Variants in SORL1 observed in about 807,000 individuals in gnomAD.
SORL1 encodes sortilin related receptor 1.
A neutral mutation model predicts 273.7 loss-of-function variants in SORL1; 127 were observed. That is an observed-to-expected ratio of 0.46 (90% CI 0.40 to 0.54). The LOEUF (loss-of-function observed/expected upper bound fraction) is 0.54. Ranked by LOEUF, SORL1 falls within the 20% of genes least tolerant of loss-of-function variation. SORL1 has a pLI of 0.00. For synonymous variants in SORL1, 1,031 were observed against 1,067.4 expected (o/e 0.97, Z 0.66); for missense variants, 2,494 against 2,846.1 (o/e 0.88, Z 2.81).
chr11:121,545,741 T>C (rs1259129089), intron 14 of SORL1, among the ~76,000 whole-genome samples: 3 of 152,226 alleles, frequency 2.0e-5, no homozygotes, highest in Middle Eastern at 3.2e-3. Context: ...GTTTCATTGT[T>C]TTTAATCCTT....
At chr11:121,536,357 C>T (rs1426149721) in intron 12 of SORL1, among the ~76,000 whole-genome samples, 1 of 151,914 alleles carries the variant, frequency 6.6e-6, no homozygotes, top group Non-Finnish European at 1.5e-5. Context: ...AGAGCCACCC[C>T]TACTTTATCC....
chr11:121,580,656 G>C (rs1191486798), intron 25 of SORL1, among the ~76,000 whole-genome samples: 2 of 147,082 alleles, frequency 1.4e-5, no homozygotes, highest in African/African-American at 5.1e-5. Flanking sequence ...CCAGGCTGGA[G>C]GGTAGTGGCG....
chr11:121,493,824 C>T (rs1013671786), intron 5 of SORL1, among the ~76,000 whole-genome samples: 1 of 152,156 alleles, frequency 6.6e-6, no homozygotes, highest in Non-Finnish European at 1.5e-5. Context: ...GTTGGTATTG[C>T]TTCCTTAGTA....
At chr11:121,498,598 G>A (rs1167629593) in intron 6 of SORL1, among the ~76,000 whole-genome samples, 3 of 152,106 alleles carry the variant, frequency 2.0e-5, no homozygotes, top group Admixed American at 6.5e-5. Flanking sequence ...CAGCTGGGCC[G>A]GGCATGGTGG....
At chr11:121,608,454 T>C (rs1213823043) in intron 38 of SORL1, 1 of 364,128 alleles carries the variant, frequency 2.7e-6, no homozygotes, top group Non-Finnish European at 5.0e-6. Flanking sequence ...CCTTTGTGAG[T>C]AGTCAAAATA....
Position 121,595,604 on chromosome 11 carries a change from TA to T in SORL1, c.4370-14del. On this transcript the variant is annotated intron_variant, in intron 31 of 47. Transcript: ENST00000260197. The surrounding 1 kb of genome is among the most constrained non-coding windows in gnomAD (Gnocchi z 5.1). ...TCCCTCAATATTAAAAAGTAAATTT[TA>T]AAAATCTTTTATTTTAGCAAACGTC... 6.4e-7 allele frequency: 1 copy of T among 1,551,344 alleles called. No homozygotes were observed. Among genetic ancestry groups the T allele is most frequent in the Non-Finnish European group, 8.7e-7 (1 of 1,147,854 alleles).
At chr11:121,620,072 G>T (rs562015617) in intron 43 of SORL1, among the ~76,000 whole-genome samples, 155 bp downstream of exon 43, 1 of 152,276 alleles carries the variant, frequency 6.6e-6, no homozygotes, top group East Asian at 1.9e-4. Flanking sequence ...GACCAAAGAT[G>T]GGGTCCGTAC....
At chr11:121,586,146 C>A in intron 26 of SORL1, 76 bp from the exon 27 acceptor site, 1 of 1,187,510 alleles carries the variant, frequency 8.4e-7, no homozygotes, top group Non-Finnish European at 1.3e-6. Context: ...CCAGTGTGTA[C>A]TCCCGCCAGC....
intron 41 of SORL1, 38 bp from the exon 42 acceptor site, chr11:121,618,736 A>G (rs769174191): frequency 1.9e-6 from 3 of 1,613,226 alleles, no homozygotes. Flanking sequence ...TCATCGGCCC[A>G]TGAGCTGATG....
intron 46 of SORL1, among the ~76,000 whole-genome samples, chr11:121,625,779 T>C (rs1202358271): frequency 6.6e-6 from 1 of 152,202 alleles, no homozygotes; most frequent in Non-Finnish European, 1.5e-5. Flanking sequence ...TTATGTCTTA[T>C]GCTGGGCCAT....
intron 16 of SORL1, among the ~76,000 whole-genome samples, chr11:121,551,124 T>C (rs756423496): frequency 6.0e-4 from 92 of 152,240 alleles, no homozygotes; most frequent in Non-Finnish European, 1.2e-3. Context: ...GTACTTTTTA[T>C]GTGTTGCCAG....
chr11:121,573,245 T>C (rs1032658173), intron 23 of SORL1, among the ~76,000 whole-genome samples: 1 of 152,242 alleles, frequency 6.6e-6, no homozygotes, highest in Non-Finnish European at 1.5e-5. Flanking sequence ...ACTTGTTCCC[T>C]GGTTTATCTT....
chr11:121,594,425 T>G (rs985411014), intron 31 of SORL1, among the ~76,000 whole-genome samples: 2 of 152,044 alleles, frequency 1.3e-5, no homozygotes, highest in Non-Finnish European at 2.9e-5. Context: ...TTTTATAGTT[T>G]TGAAAATTCC....
intron 6 of SORL1, among the ~76,000 whole-genome samples, chr11:121,497,696 T>A (rs1861652835): frequency 6.6e-6 from 1 of 152,098 alleles, no homozygotes; most frequent in Admixed American, 6.5e-5. Flanking sequence ...TTGTATTGAG[T>A]TCAGTCTTTA....
chr11:121,514,185 G>A lies in SORL1; in HGVS notation c.1075G>A (p.Val359Met). The change falls in exon 8 of 48, where the codon GTG becomes ATG. Residue 359 changes from valine to methionine, a missense_variant. By Grantham distance (21) the Val-to-Met change is conservative (BLOSUM62 1). Around this residue, in one of 3 missense-constraint regions of SORL1, gnomAD observed 710 missense variants for 882.5 expected, o/e 0.80. Coordinates refer to ENST00000260197, the MANE Select transcript of SORL1 (RefSeq NM_003105.6). ...CATCGCAGATGCCTCCGAGGACCAG[G>A]TGTTTGTGTGTGTCAGCCACAGTAA... ...YYIADASEDQ[V>M]FVCVSHSNNR... The A allele has an allele frequency of 1.2e-6, 2 of 1,614,112 alleles. No homozygotes were observed. Among genetic ancestry groups the A allele is most frequent in the Non-Finnish European group, 1.7e-6 (2 of 1,179,990 alleles).
intron 26 of SORL1, among the ~76,000 whole-genome samples, chr11:121,584,074 T>C (rs775949025): frequency 4.6e-5 from 7 of 152,148 alleles, no homozygotes; most frequent in Non-Finnish European, 1.0e-4. Context: ...GTGTTTGAGG[T>C]TTTTAGATTT....
intron 24 of SORL1, chr11:121,576,658 C>T (rs1050413508): frequency 4.9e-5 from 46 of 933,724 alleles, no homozygotes; most frequent in Admixed American, 1.5e-4. Context: ...ATTGCCAGGG[C>T]AGCCTCCTTC....
At chr11:121,470,249 A>G in intron 2 of SORL1, 126 bp downstream of exon 2, 2 of 735,502 alleles carry the variant, frequency 2.7e-6, no homozygotes, top group Admixed American at 1.9e-5. Context: ...ATTGTATGAC[A>G]GGGAAGATAA....
At chr11:121,555,363 G>A (rs776776802) in intron 18 of SORL1, 45 bp downstream of exon 18, 2 of 1,604,624 alleles carry the variant, frequency 1.2e-6, no homozygotes, top group Non-Finnish European at 1.7e-6. Flanking sequence ...AGCAGGCGGG[G>A]CACCTGGGCT....
Sources: gnomAD v4.1 joint callset for allele counts (sites outside exome capture counted in the v4.1 genomes callset) on GRCh38, gnomAD v4.1.1 for gene constraint, gnomAD v4.1.1 regional missense constraint, Gnocchi (gnomAD v3.1) non-coding constraint, MANE v1.5 for transcripts, NCBI Gene and HGNC (gene_info 2026-07-23, HGNC 2026-07-21) for gene names.